Variants in IL1RAPL1 observed in about 807,000 individuals in gnomAD.
The protein encoded by IL1RAPL1 is interleukin-1 receptor accessory protein-like 1.
IL1RAPL1 carries 3 observed loss-of-function variants against 48.4 expected under a neutral mutation model. The ratio of observed to expected loss-of-function variants is 0.06; its 90% CI spans 0.03 to 0.16. The LOEUF is 0.16. Ranked by LOEUF, IL1RAPL1 falls within the 10% of genes least tolerant of loss-of-function variation. IL1RAPL1 has a pLI of 1.00. For synonymous variants in IL1RAPL1, 185 were observed against 187.7 expected (o/e 0.99, Z 0.12); for missense variants, 349 against 530.6 (o/e 0.66, Z 3.36).
rs1385165102 is a variant in IL1RAPL1, at chrX:29,493,213, T to A, written c.703+93905T>A. Among the ~76,000 whole-genome samples, 4 of 111,846 alleles carry A rather than the reference T, an allele frequency of 3.6e-5. No homozygotes were observed. In the Admixed American group the frequency reaches 3.8e-4, roughly 11 times the overall value. On this transcript the variant is annotated intron_variant, in intron 5 of 10. Coordinates refer to ENST00000378993, the MANE Select transcript of IL1RAPL1 (RefSeq NM_014271.4). ...TCCCTCTTGAGACAGATTTCCCAGG[T>A]ACGACCAAGAGTTAAGAGATCAAAG...
At chrX:28,594,755 C>A (rs1049114632) in intron 1 of IL1RAPL1, among the ~76,000 whole-genome samples, 3 of 112,209 alleles carry the variant, frequency 2.7e-5, no homozygotes, top group African/African-American at 9.7e-5. Context: ...TGTGATCAGT[C>A]GTCTGACTTC....
At chrX:29,061,503 T>C (rs1207222941) in intron 2 of IL1RAPL1, among the ~76,000 whole-genome samples, 1 of 112,209 alleles carries the variant, frequency 8.9e-6, no homozygotes, top group Non-Finnish European at 1.9e-5. Flanking sequence ...TTGTTGCCCA[T>C]GCTGGAGTGC....
rs371361652 is a variant in IL1RAPL1 at position 29,114,493 on chromosome X, T to C, written c.83-168445T>C. Among the ~76,000 whole-genome samples, 4 of 112,445 alleles carry C rather than the reference T, an allele frequency of 3.6e-5. No homozygotes were observed. In the East Asian group the frequency reaches 1.1e-3, roughly 31 times the overall value. ...CTTTCCTTTTGTCCTGATCAATTTT[T>C]CAAGTAATTTAAAATTTTGTCTCTT... On this transcript the variant is annotated intron_variant, in intron 2 of 10. Transcript: ENST00000378993.
At chrX:28,659,074 TC>T in intron 1 of IL1RAPL1, 1 of 679,999 alleles carries the variant, frequency 1.5e-6, no homozygotes, top group Non-Finnish European at 2.3e-6. Flanking sequence ...AAGCACGTTC[TC>T]CACGTATGCA....
At chrX:29,722,912 T>A (rs1927671887) in intron 6 of IL1RAPL1, among the ~76,000 whole-genome samples, 1 of 112,595 alleles carries the variant, frequency 8.9e-6, no homozygotes, top group African/African-American at 3.2e-5. Context: ...CATTTCTCAC[T>A]GTAAATTGTT....
chrX:29,174,670 A>G (rs1569252234), intron 2 of IL1RAPL1, among the ~76,000 whole-genome samples: 1 of 77,529 alleles, frequency 1.3e-5, no homozygotes, highest in Non-Finnish European at 3.0e-5. Context: ...AGTAAAGTAC[A>G]GAAAAAAAAC....
At chrX:28,648,363 C>G (rs770351666) in intron 1 of IL1RAPL1, among the ~76,000 whole-genome samples, 2 of 111,943 alleles carry the variant, frequency 1.8e-5, no homozygotes, top group South Asian at 7.5e-4. Context: ...AGAACCATGA[C>G]TATGTTACTT....
chrX:28,985,716 T>G lies in IL1RAPL1; in HGVS notation c.82+196291T>G, dbSNP rs111535677. 8.2e-4 allele frequency among the ~76,000 whole-genome samples: 85 copies of G among 103,547 alleles called. No homozygotes were observed. The South Asian group carries it at 0.01, about 12-fold the overall frequency. 89.9% of individuals were successfully genotyped at this position (103,547 alleles called of 115,157 possible). ...GCTCTGTCGCCCAGGCTGGAGTGCA[T>G]TGGCGCGATCTCGGCTCACTACAAG... is the stretch of plus-strand genomic sequence containing the variant. On this transcript the variant is annotated intron_variant, in intron 2 of 10. Transcript: ENST00000378993.
intron 1 of IL1RAPL1, among the ~76,000 whole-genome samples, chrX:28,772,879 A>G (rs1936324585): frequency 9.0e-6 from 1 of 111,506 alleles, no homozygotes. Context: ...ATTTTGTGTT[A>G]TACTCACTTG....
intron 6 of IL1RAPL1, among the ~76,000 whole-genome samples, chrX:29,903,767 A>AT (rs1453706338): frequency 9.0e-6 from 1 of 111,731 alleles, no homozygotes; most frequent in Admixed American, 9.5e-5. Flanking sequence ...GATAGGAATG[A>AT]TTTTTTATGA....
intron 5 of IL1RAPL1, among the ~76,000 whole-genome samples, chrX:29,477,898 A>G (rs1463397525): frequency 8.9e-6 from 1 of 112,396 alleles, no homozygotes; most frequent in African/African-American, 3.2e-5. Context: ...AAAAATATCT[A>G]TGCAAAATAC....
intron 5 of IL1RAPL1, among the ~76,000 whole-genome samples, chrX:29,449,306 A>G (rs969768760): frequency 9.0e-6 from 1 of 111,356 alleles, no homozygotes; most frequent in Non-Finnish European, 1.9e-5. Flanking sequence ...GGGTATTAGC[A>G]GTTTAATGAT....
chrX:29,270,033 T>C (rs1932016027), intron 2 of IL1RAPL1, among the ~76,000 whole-genome samples: 1 of 111,888 alleles, frequency 8.9e-6, no homozygotes, highest in Non-Finnish European at 1.9e-5. Flanking sequence ...CTCTGTTTTG[T>C]CTGACTTTTT....
intron 5 of IL1RAPL1, among the ~76,000 whole-genome samples, chrX:29,517,424 T>A (rs186548420): frequency 9.0e-6 from 1 of 111,205 alleles, no homozygotes; most frequent in Admixed American, 9.6e-5. Flanking sequence ...CTACCTTTTC[T>A]TTTAAAATAC....
chrX:29,360,468 A>G (rs977498427), intron 3 of IL1RAPL1, among the ~76,000 whole-genome samples: 1 of 112,238 alleles, frequency 8.9e-6, no homozygotes, highest in Non-Finnish European at 1.9e-5. Context: ...TCACACATGG[A>G]GTGGATTAGT....
intron 1 of IL1RAPL1, among the ~76,000 whole-genome samples, chrX:28,653,376 A>G (rs1254119067): frequency 9.1e-6 from 1 of 110,249 alleles, no homozygotes; most frequent in Non-Finnish European, 1.9e-5. Flanking sequence ...TTGGGAGGCT[A>G]AGGCAGGAGA....
chrX:29,272,223 G>A (rs1366858233), intron 2 of IL1RAPL1, among the ~76,000 whole-genome samples: 1 of 111,382 alleles, frequency 9.0e-6, no homozygotes, highest in Non-Finnish European at 1.9e-5. Context: ...TAGGTGTGTG[G>A]CATTATTTCT....
At chrX:29,290,626 T>C (rs1326915577) in intron 3 of IL1RAPL1, among the ~76,000 whole-genome samples, 1 of 112,229 alleles carries the variant, frequency 8.9e-6, no homozygotes, top group Non-Finnish European at 1.9e-5. Flanking sequence ...ATAACCATTT[T>C]ATTTGCACGT....
chrX:28,857,397 G>A (rs995196452), intron 2 of IL1RAPL1, among the ~76,000 whole-genome samples: 3 of 111,825 alleles, frequency 2.7e-5, no homozygotes, highest in East Asian at 5.6e-4. Flanking sequence ...AGAATATGCC[G>A]TCTAGAACTT....
Sources: allele counts gnomAD v4.1 joint callset (sites outside exome capture counted in the v4.1 genomes callset), GRCh38; gene constraint gnomAD v4.1.1; transcripts MANE v1.5; gene names NCBI Gene and HGNC (gene_info 2026-07-23, HGNC 2026-07-21).